Variants in RBFOX1 observed in about 807,000 individuals in gnomAD.
RBFOX1 encodes the protein RNA binding fox-1 homolog 1.
Under a neutral mutation model 57.7 loss-of-function variants are expected in RBFOX1, and 8 were observed. The ratio of observed to expected loss-of-function variants is 0.14; its 90% CI spans 0.08 to 0.25. The LOEUF (loss-of-function observed/expected upper bound fraction) is 0.25. Ranked by LOEUF, RBFOX1 falls within the 10% of genes least tolerant of loss-of-function variation. The probability of loss-of-function intolerance (pLI) is 1.00; values close to 1 mark genes in which losing one functional copy is unlikely to be tolerated. For missense variants in RBFOX1, 611 were observed against 548.5 expected, an observed-to-expected ratio of 1.11 and a Z score of -1.14; for synonymous variants, 326 against 222.4, an observed-to-expected ratio of 1.47 and a Z score of -4.15.
chr16:6,272,084 T>G (rs561433198), intron 1 of RBFOX1, among the ~76,000 whole-genome samples: 1 of 152,284 alleles, frequency 6.6e-6, no homozygotes, highest in East Asian at 1.9e-4. Context: ...TATATAATAA[T>G]AATTTTATAC....
At chr16:7,174,553 G>T (rs968424729) in intron 4 of RBFOX1, among the ~76,000 whole-genome samples, 1 of 152,188 alleles carries the variant, frequency 6.6e-6, no homozygotes, top group African/African-American at 2.4e-5. Context: ...GGCAGAGGCA[G>T]GCCAATCACT....
At chr16:7,168,876 T>G (rs2080112203) in intron 4 of RBFOX1, among the ~76,000 whole-genome samples, 1 of 152,106 alleles carries the variant, frequency 6.6e-6, no homozygotes, top group Admixed American at 6.6e-5. Flanking sequence ...ATAGGAGGAG[T>G]GTGCCTCTAT....
intron 10 of RBFOX1, among the ~76,000 whole-genome samples, chr16:7,608,757 A>C (rs2056847733): frequency 6.6e-6 from 1 of 152,206 alleles, no homozygotes; most frequent in Admixed American, 6.5e-5. Context: ...ATTAGAATTA[A>C]ATGGGTTAAT....
At chr16:6,810,075 G>A (rs2088064448) in intron 3 of RBFOX1, among the ~76,000 whole-genome samples, 3 of 150,716 alleles carry the variant, frequency 2.0e-5, no homozygotes, top group Admixed American at 2.0e-4. Context: ...TGGTCTGATG[G>A]GGTCTCAGGA....
intron 1 of RBFOX1, among the ~76,000 whole-genome samples, chr16:6,204,898 G>A (rs2097243774): frequency 6.6e-6 from 1 of 152,108 alleles, no homozygotes; most frequent in Non-Finnish European, 1.5e-5. Context: ...ATAAATGCAC[G>A]ATAACACACG....
At chr16:6,015,192 T>G (rs1054356170), upstream of RBFOX1, among the ~76,000 whole-genome samples, 1 of 152,156 alleles carries the variant, frequency 6.6e-6, no homozygotes. Context: ...TTAGATTTTT[T>G]TAGCTTGCTT....
chr16:5,755,182 C>CT (rs2053349248), intron 3 of RBFOX1, among the ~76,000 whole-genome samples: 2 of 129,322 alleles, frequency 1.5e-5, no homozygotes, highest in African/African-American at 6.0e-5. Context: ...CCATTCAACT[C>CT]TGAGTTGACA....
chr16:6,589,483 G>A (rs1019072453), intron 2 of RBFOX1, among the ~76,000 whole-genome samples: 1 of 152,190 alleles, frequency 6.6e-6, no homozygotes, highest in African/African-American at 2.4e-5. Context: ...CCACAGACCA[G>A]ATGAGCCAGT....
At chr16:5,681,718 G>C (rs1373056375) in intron 3 of RBFOX1, among the ~76,000 whole-genome samples, 1 of 152,014 alleles carries the variant, frequency 6.6e-6, no homozygotes, top group Non-Finnish European at 1.5e-5. Context: ...GAGACCTGTA[G>C]GATAAAATTG....
intron 4 of RBFOX1, among the ~76,000 whole-genome samples, chr16:7,133,384 G>T (rs952857445): frequency 5.3e-5 from 8 of 152,144 alleles, no homozygotes; most frequent in Non-Finnish European, 1.2e-4. Flanking sequence ...TGAACATATT[G>T]GTTGAAGATC....
At chr16:7,216,013 G>A (rs573755614) in intron 4 of RBFOX1, among the ~76,000 whole-genome samples, 32 of 152,180 alleles carry the variant, frequency 2.1e-4, no homozygotes, top group Middle Eastern at 3.4e-3. Flanking sequence ...GTGAGCCACC[G>A]CGCCCAGCCT....
rs149413179 is a variant in RBFOX1 at position 6,365,462 on chromosome 16, G to T, written c.-64+48405G>T. Among the ~76,000 whole-genome samples the T allele has an allele frequency of 3.0e-3, 440 of 148,472 alleles. 1 individual carries two copies. Among genetic ancestry groups the T allele is most frequent in the South Asian group, 0.012 (57 of 4,798 alleles). ...TGAATGGATGGGTGGATGGGTGAAT[G>T]GATGGGTGGGTGGATGGGTAGGTGT... On this transcript the variant is annotated intron_variant, in intron 2 of 15. Coordinates refer to ENST00000550418, the MANE Select transcript of RBFOX1 (RefSeq NM_018723.4).
At chr16:7,346,430 G>A (rs1333334397) in intron 4 of RBFOX1, among the ~76,000 whole-genome samples, 1 of 152,042 alleles carries the variant, frequency 6.6e-6, no homozygotes, top group Non-Finnish European at 1.5e-5. Flanking sequence ...GTTCCTTCCT[G>A]GGAATGGACA....
intron 4 of RBFOX1, among the ~76,000 whole-genome samples, chr16:5,907,833 C>G (rs1272021669): frequency 6.6e-6 from 1 of 151,836 alleles, no homozygotes; most frequent in East Asian, 1.9e-4. Context: ...TCACTATAGC[C>G]TCTGCCTCCC....
At chr16:6,340,295 A>G (rs1315746366) in intron 2 of RBFOX1, among the ~76,000 whole-genome samples, 10 of 152,176 alleles carry the variant, frequency 6.6e-5, no homozygotes, top group Non-Finnish European at 1.5e-4. Context: ...TAGCTCACTC[A>G]TGACCTAAAT....
At chr16:6,811,919 A>T (rs1287322165) in intron 3 of RBFOX1, among the ~76,000 whole-genome samples, 7 of 152,136 alleles carry the variant, frequency 4.6e-5, no homozygotes. Flanking sequence ...TACAAAATAT[A>T]AGGCACAGAA....
intron 2 of RBFOX1, among the ~76,000 whole-genome samples, chr16:6,589,836 G>T (rs1288972268): frequency 1.3e-5 from 2 of 152,188 alleles, no homozygotes; most frequent in Non-Finnish European, 2.9e-5. Context: ...GAGGTAAGAA[G>T]CAAGATGGAG....
At chr16:6,335,783 A>G (rs2083566210) in intron 2 of RBFOX1, among the ~76,000 whole-genome samples, 1 of 149,200 alleles carries the variant, frequency 6.7e-6, no homozygotes, top group Non-Finnish European at 1.5e-5. Context: ...CTCCAAAAAA[A>G]AAAAAAAGAA....
chr16:5,493,565 T>C (rs1043852904), intron 2 of RBFOX1, among the ~76,000 whole-genome samples: 2 of 152,242 alleles, frequency 1.3e-5, no homozygotes, highest in African/African-American at 4.8e-5. Context: ...CTGGTGCTGA[T>C]TGATGGGACA....
Sources: gnomAD v4.1 joint callset for allele counts (sites outside exome capture counted in the v4.1 genomes callset) on GRCh38, gnomAD v4.1.1 for gene constraint, MANE v1.5 for transcripts, NCBI Gene and HGNC (gene_info 2026-07-23, HGNC 2026-07-21) for gene names.